TRIM49C: variants seen among roughly 807,000 people sequenced by gnomAD.
The protein encoded by TRIM49C is tripartite motif-containing protein 49C.
In TRIM49C, 6 loss-of-function variants were observed where a neutral mutation model predicts 21.4. The observed-to-expected ratio is 0.28, with a 90% CI of 0.15 to 0.55. The LOEUF is 0.55. TRIM49C is among the 20% of genes least tolerant of loss of function. The pLI is 0.94. For missense variants in TRIM49C, 161 were observed against 442.4 expected, an observed-to-expected ratio of 0.36 and a Z score of 5.71; for synonymous variants, 57 against 148.1, an observed-to-expected ratio of 0.38 and a Z score of 4.47.
rs1181198459 is a variant in TRIM49C at position 90,038,671 on chromosome 11, T to G, written c.739-22T>G. 4.9e-6 allele frequency: 5 copies of G among 1,018,474 alleles called. 1 individual carries two copies. In the South Asian group the frequency reaches 5.4e-5, roughly 11 times the overall value. 63.1% of individuals were successfully genotyped at this position (1,018,474 alleles called of 1,614,324 possible). The stretch of plus-strand genomic sequence containing the variant: ...GCATCTTGTGAAATGCACTAAATCT[T>G]TCTTCTTTTTTTTTTTTTCAGGCTT... On this transcript the variant is annotated intron_variant, in intron 5 of 7. Transcript: ENST00000448984.
downstream of TRIM49C, among the ~76,000 whole-genome samples, chr11:90,043,124 G>A (rs1195233063): frequency 7.1e-6 from 1 of 141,506 alleles, no homozygotes; most frequent in South Asian, 2.4e-4. Flanking sequence ...AATGCATAAG[G>A]TAGTAGAATA....
rs934012986 is a variant in TRIM49C, at chr11:90,032,060, C to T, written c.-190-337C>T. On this transcript the variant is annotated intron_variant, in intron 1 of 7. Transcript: ENST00000448984. The stretch of plus-strand genomic sequence containing the variant: ...TGAAGCAGGAGGATTACTTGGAATT[C>T]AAGGCTGCAGGGAGCTATGATTATG... Among the ~76,000 whole-genome samples the T allele has an allele frequency of 3.7e-4, 51 of 136,258 alleles. 4 individuals are homozygous for T. The highest frequency in any genetic ancestry group is 1.3e-3 in the African/African-American group (50 of 37,884). The allele number at this position is 136,258 out of a possible 152,430, so 89.4% of individuals were successfully genotyped here. A position where few individuals can be genotyped will look rare whatever the true frequency, so the allele number is the denominator to read the frequency against.
At chr11:90,043,729 C>A (rs1370438525), downstream of TRIM49C, among the ~76,000 whole-genome samples, 1 of 121,608 alleles carries the variant, frequency 8.2e-6, no homozygotes. Context: ...TGAAGCCTAG[C>A]AGATGCATAT....
chr11:90,037,163 T>C (rs112983216), intron 4 of TRIM49C, among the ~76,000 whole-genome samples: 15,323 of 135,260 alleles, frequency 0.11, 2,781 homozygotes, highest in African/African-American at 0.23. Flanking sequence ...GCAGTAATTT[T>C]GAGTTTGTGT....
At chr11:90,069,577 A>G in the TRIM49C span, among the ~76,000 whole-genome samples, 2 of 130,236 alleles carry the variant, frequency 1.5e-5, 1 homozygote, top group Admixed American at 1.8e-4. Context: ...ATATCTAAAT[A>G]TAAACTGATT....
At position 90,041,110 on chromosome 11, in the gene TRIM49C, A is replaced by C; in HGVS notation, c.919A>C (p.Arg307=). Reference sequence around the variant, plus strand: ...TGATATCTTTCTGTATGAAATTTTGAGAAGCATGTGTATTGGATGTGACCA... The same window carrying C: ...TGATATCTTTCTGTATGAAATTTTGCGAAGCATGTGTATTGGATGTGACCA... ...NSDIFLYEIL[R]SMCIGCDHQD... The change falls in exon 8 of 8, where the codon AGA becomes CGA. Residue 307 remains arginine (R), a synonymous_variant. Transcript: ENST00000448984. The C allele has an allele frequency of 6.3e-7, 1 of 1,593,666 alleles. No individual in the cohort carries two copies. Among genetic ancestry groups the C allele is most frequent in the South Asian group, 1.1e-5 (1 of 89,246 alleles).
chr11:90,048,606 T>A, the TRIM49C span, among the ~76,000 whole-genome samples: 1 of 134,158 alleles, frequency 7.5e-6, no homozygotes, highest in Non-Finnish European at 1.6e-5. Context: ...TGCCATGGTT[T>A]TCACCTCCAT....
At chr11:90,069,177 T>C in the TRIM49C span, among the ~76,000 whole-genome samples, 1 of 130,656 alleles carries the variant, frequency 7.7e-6, no homozygotes, top group Middle Eastern at 3.7e-3. Context: ...CAATCTTGGC[T>C]CACTGCAAGC....
chr11:90,034,751 A>G (rs1304260731), intron 2 of TRIM49C, among the ~76,000 whole-genome samples: 1 of 133,978 alleles, frequency 7.5e-6, no homozygotes, highest in Non-Finnish European at 1.6e-5. Context: ...GTGACCCTCT[A>G]TAAAAATATG....
At chr11:90,034,734 G>T (rs1308406694) in intron 2 of TRIM49C, among the ~76,000 whole-genome samples, 2 of 132,982 alleles carry the variant, frequency 1.5e-5, no homozygotes, top group African/African-American at 5.5e-5. Context: ...TTTGCTGCCC[G>T]GCTTTTGTGA....
chr11:90,037,021 T>G (rs1338728935), intron 4 of TRIM49C, among the ~76,000 whole-genome samples: 1 of 133,848 alleles, frequency 7.5e-6, no homozygotes, highest in Non-Finnish European at 1.6e-5. Flanking sequence ...TGGATATATA[T>G]GTGGACCATG....
Position 90,035,709 on chromosome 11 carries a change from C to A in TRIM49C, c.411+87C>A. On this transcript the variant is annotated intron_variant, in intron 3 of 7. Coordinates refer to ENST00000448984, the MANE Select transcript of TRIM49C (RefSeq NM_001195234.1). ...TTTCTTGGAGATTAGGTAAAGCCAA[C>A]TCTGAGTCCCTTTAAGCAGCTCTGT... is the stretch of plus-strand genomic sequence containing the variant. 2 of 1,368,074 alleles carry A rather than the reference C, an allele frequency of 1.5e-6. 1 individual carries two copies. Among genetic ancestry groups the A allele is most frequent in the Non-Finnish European group, 1.9e-6 (2 of 1,046,536 alleles). The allele number at this position is 1,368,074 out of a possible 1,614,324, so 84.7% of individuals were successfully genotyped here.
At chr11:90,069,208 C>A in the TRIM49C span, among the ~76,000 whole-genome samples, 2 of 129,494 alleles carry the variant, frequency 1.5e-5, no homozygotes, top group African/African-American at 3.1e-5. Flanking sequence ...GGGTTCACGC[C>A]ATTCTCCTGC....
chr11:90,046,835 C>T (rs1165577577), downstream of TRIM49C, among the ~76,000 whole-genome samples: 1 of 123,656 alleles, frequency 8.1e-6, no homozygotes, highest in Non-Finnish European at 1.6e-5. Flanking sequence ...GCTCTTGCTT[C>T]TCTAGTTCTT....
the TRIM49C span, among the ~76,000 whole-genome samples, chr11:90,054,452 TCTCA>T: frequency 1.6e-3 from 216 of 137,332 alleles, 9 homozygotes; most frequent in African/African-American, 5.3e-3. Context: ...TGAGGCAGAG[TCTCA>T]CTCAGTCTGT....
the TRIM49C span, among the ~76,000 whole-genome samples, chr11:90,072,409 G>A: frequency 4.1e-5 from 6 of 148,068 alleles, no homozygotes; most frequent in Middle Eastern, 7.0e-3. Flanking sequence ...AGATAATTCT[G>A]GCAAGGAATC....
In TRIM49C at chr11:90,041,385, G is replaced by T. The variant is rs1394863026; in HGVS notation, c.1194G>T (p.Met398Ile). ...GTCTCTTTACCACCTCCCCACTTAT[G>T]CTGCAATATATCCCAAAACCTACCA... Reference protein sequence around the residue: ...QCSLFTTSPLMLQYIPKPTSR... With the variant: ...QCSLFTTSPLILQYIPKPTSR... The change falls in exon 8 of 8, where the codon ATG becomes ATT. Residue 398 changes from methionine (M) to isoleucine (I), a missense_variant. Physicochemically the swap from Met to Ile is conservative, Grantham distance 10 (BLOSUM62 1). This residue lies in a region of TRIM49C where 63 missense variants were observed against 67.6 expected (regional missense o/e 0.93). Transcript: ENST00000448984. 2 of 1,587,258 alleles carry T rather than the reference G, an allele frequency of 1.3e-6. No homozygotes were observed. The highest frequency in any genetic ancestry group is 2.8e-5 in the African/African-American group (2 of 71,812).
the TRIM49C span, chr11:90,062,536 A>G: frequency 1.4e-5 from 16 of 1,145,420 alleles, 2 homozygotes; most frequent in Non-Finnish European, 1.8e-5. Flanking sequence ...ACAGGCCCTC[A>G]TCATTCTTAT....
In TRIM49C at chr11:90,038,574, G is replaced by A. The variant is rs1459566627; in HGVS notation, c.739-119G>A. The A allele has an allele frequency of 1.8e-5, 22 of 1,217,974 alleles. 2 individuals are homozygous for A. The highest frequency in any genetic ancestry group is 2.4e-5 in the Non-Finnish European group (22 of 906,448). 75.4% of individuals were successfully genotyped at this position (1,217,974 alleles called of 1,614,324 possible). On this transcript the variant is annotated intron_variant, in intron 5 of 7. Transcript: ENST00000448984. Reference sequence around the variant, plus strand: ...CAGAAGAAATAGAAAATACTTTCCAGAAGAGAAGATGGTAGGGAAATAATA... The same window carrying A: ...CAGAAGAAATAGAAAATACTTTCCAAAAGAGAAGATGGTAGGGAAATAATA...
Sources: allele counts gnomAD v4.1 joint callset (sites outside exome capture counted in the v4.1 genomes callset), GRCh38; gene constraint gnomAD v4.1.1; regional missense constraint gnomAD v4.1.1; transcripts MANE v1.5; gene names NCBI Gene and HGNC (gene_info 2026-07-23, HGNC 2026-07-21).